The following YTHDC2 variants were observed in gnomAD, a reference collection of about 807,000 sequenced individuals.
YTHDC2 encodes the protein 3'-5' RNA helicase YTHDC2.
Under a neutral mutation model 174.9 loss-of-function variants are expected in YTHDC2, and 45 were observed. The observed-to-expected ratio is 0.26, with a 90% CI of 0.20 to 0.33. YTHDC2 has a LOEUF of 0.33. Ranked by LOEUF, YTHDC2 falls within the 10% of genes least tolerant of loss-of-function variation. YTHDC2 has a pLI of 1.00. For synonymous variants in YTHDC2, 657 were observed against 574.5 expected (o/e 1.14, Z -2.05); for missense variants, 1,650 against 1,723.7 (o/e 0.96, Z 0.76).
At chr5:113,552,313 C>A (rs1219226908) in intron 12 of YTHDC2, among the ~76,000 whole-genome samples, 1 of 152,034 alleles carries the variant, frequency 6.6e-6, no homozygotes, top group East Asian at 1.9e-4. Context: ...GAAACTTGTA[C>A]CCATTAGGTG....
intron 17 of YTHDC2, 146 bp downstream of exon 17, chr5:113,556,280 A>G (rs1776603994): frequency 2.2e-6 from 1 of 459,092 alleles, no homozygotes; most frequent in Non-Finnish European, 3.9e-6. Context: ...AAAGCAAGCC[A>G]TTTTGATACT....
chr5:113,515,883 G>T (rs893317337), intron 2 of YTHDC2, among the ~76,000 whole-genome samples: 1 of 152,192 alleles, frequency 6.6e-6, no homozygotes, highest in South Asian at 2.1e-4. Flanking sequence ...TTTTAGCAAG[G>T]TTGGTTATGT....
At chr5:113,558,387 T>A (rs1776748930) in intron 17 of YTHDC2, among the ~76,000 whole-genome samples, 6 of 152,130 alleles carry the variant, frequency 3.9e-5, no homozygotes. Flanking sequence ...TTTCCTATAA[T>A]AAGGGAGAGA....
At chr5:113,574,313 G>A (rs933410413) in intron 23 of YTHDC2, among the ~76,000 whole-genome samples, 2 of 152,154 alleles carry the variant, frequency 1.3e-5, no homozygotes, top group Admixed American at 6.6e-5. Flanking sequence ...AAACAGCAAA[G>A]ATGGAAGCCA....
At chr5:113,562,727 T>G (rs755244688) in intron 18 of YTHDC2, among the ~76,000 whole-genome samples, 17 of 152,214 alleles carry the variant, frequency 1.1e-4, no homozygotes, top group Non-Finnish European at 2.1e-4. Flanking sequence ...TACTCAATCT[T>G]TACATCTTAG....
At chr5:113,526,310 CATT>C (rs933202949) in intron 3 of YTHDC2, among the ~76,000 whole-genome samples, 1 of 140,850 alleles carries the variant, frequency 7.1e-6, no homozygotes, top group East Asian at 2.0e-4. Context: ...AATTTTTAAA[CATT>C]ATGTACCAGA....
At chr5:113,561,237 G>A in intron 18 of YTHDC2, 52 bp downstream of exon 18, 2 of 1,420,746 alleles carry the variant, frequency 1.4e-6, no homozygotes, top group South Asian at 1.2e-5. Flanking sequence ...GGGAAGTGAG[G>A]GGCCATTTCA....
At chr5:113,581,295 A>G (rs372841788) in intron 24 of YTHDC2, 122 bp from the exon 25 acceptor site, 5 of 891,818 alleles carry the variant, frequency 5.6e-6, no homozygotes, top group Middle Eastern at 3.6e-4. Context: ...AATTAGTAGT[A>G]AATTATATGA....
intron 25 of YTHDC2, chr5:113,584,077 G>A (rs1315105822): frequency 5.8e-6 from 2 of 342,124 alleles, no homozygotes; most frequent in Non-Finnish European, 5.2e-6. Context: ...AATAAGTTAC[G>A]AGGCTTGCTC....
rs146350005 is a variant in YTHDC2 at position 113,571,348 on chromosome 5, A to G, written c.3244+3499A>G. On this transcript the variant is annotated intron_variant, in intron 23 of 29. Transcript: ENST00000161863. ...GAAGCCAACTTGATTGTGGTGGACAAGCATTTAGATGTGCTGCTGTATTTG... is the reference window on the plus strand; with the variant it reads ...GAAGCCAACTTGATTGTGGTGGACAGGCATTTAGATGTGCTGCTGTATTTG... Among the ~76,000 whole-genome samples the G allele has an allele frequency of 1.7e-3, 252 of 152,312 alleles. 1 individual carries two copies. Among genetic ancestry groups the G allele is most frequent in the African/African-American group, 5.7e-3 (236 of 41,564 alleles).
chr5:113,534,290 C>CT lies in YTHDC2; in HGVS notation c.843-6dup, dbSNP rs140622373. 1.3e-3 allele frequency: 2,075 copies of CT among 1,582,712 alleles called. 18 individuals carry two copies. The African/African-American group carries it at 0.022, about 17-fold the overall frequency. On this transcript the variant is annotated splice_polypyrimidine_tract_variant and intron_variant, in intron 5 of 29. Coordinates refer to ENST00000161863, the MANE Select transcript of YTHDC2 (RefSeq NM_022828.5). ...ACTTGCAATTGTGCACTTTGTTTTG[C>CT]TTTTTTTTTAAAAGGGTTTCTCCAA...
Position 113,581,446 on chromosome 5 carries a change from G to T in YTHDC2, c.3384G>T (p.Gln1128His). 2 of 1,610,892 alleles carry T rather than the reference G, an allele frequency of 1.2e-6. No homozygotes were observed. The highest frequency in any genetic ancestry group is 2.2e-5 in the East Asian group (1 of 44,828). The change falls in exon 25 of 30, where the codon CAG becomes CAT. Residue 1128 changes from glutamine to histidine, a missense_variant. Transcript: ENST00000161863. ...EAASLLLQLRQKWHSLFLRRM... is the reference protein window; with the variant it reads ...EAASLLLQLRHKWHSLFLRRM... ...CTAGTTTATTGCTGCAGCTCAGACA[G>T]AAGTGGCATAGCTTATTTTTACGCC... is the stretch of plus-strand genomic sequence containing the variant.
At chr5:113,560,054 A>G (rs1214836010) in intron 17 of YTHDC2, among the ~76,000 whole-genome samples, 1 of 152,248 alleles carries the variant, frequency 6.6e-6, no homozygotes, top group African/African-American at 2.4e-5. Flanking sequence ...AAGCTTCACT[A>G]GAAAGTCCTT....
chr5:113,527,878 C>T (rs116156188), intron 4 of YTHDC2, among the ~76,000 whole-genome samples: 4,778 of 152,064 alleles, frequency 0.031, 96 homozygotes, highest in African/African-American at 0.054. Context: ...AACCTCAGTG[C>T]CTCCCAGGTT....
intron 10 of YTHDC2, among the ~76,000 whole-genome samples, chr5:113,547,077 A>C (rs898411995): frequency 6.6e-6 from 1 of 152,186 alleles, no homozygotes; most frequent in Non-Finnish European, 1.5e-5. Context: ...TGAGTCACTT[A>C]GTCCAGTTTA....
intron 2 of YTHDC2, among the ~76,000 whole-genome samples, chr5:113,515,803 A>G (rs1319873134): frequency 6.6e-6 from 1 of 152,234 alleles, no homozygotes; most frequent in Non-Finnish European, 1.5e-5. Context: ...AAGGAAAAGG[A>G]CTTTGAACTT....
Position 113,553,805 on chromosome 5 carries a change from C to G in YTHDC2, c.2003C>G (p.Ser668Cys), listed in dbSNP as rs910850988. Residue 668 changes from serine (S) to cysteine (C), a missense_variant, in exon 15 of 30, where the codon TCC becomes TGC. Coordinates refer to ENST00000161863, the MANE Select transcript of YTHDC2 (RefSeq NM_022828.5). Reference protein sequence around the residue: ...VFMLHSNMQTSDQKKVLKNPP... With the variant: ...VFMLHSNMQTCDQKKVLKNPP... ...ATGCTTCATTCAAATATGCAAACAT[C>G]CGATCAAAAGAAAGTATTAAAAAAC... is the stretch of plus-strand genomic sequence containing the variant. 1.2e-6 allele frequency: 2 copies of G among 1,612,488 alleles called. No individual in the cohort carries two copies. The highest frequency in any genetic ancestry group is 2.7e-5 in the African/African-American group (2 of 74,946).
intron 6 of YTHDC2, 110 bp from the exon 7 acceptor site, chr5:113,535,532 G>A (rs1320417724): frequency 9.6e-7 from 1 of 1,045,102 alleles, no homozygotes; most frequent in African/African-American, 1.6e-5. Flanking sequence ...GATTGGCCTT[G>A]TCCACATTTA....
intron 26 of YTHDC2, 140 bp downstream of exon 26, chr5:113,584,619 TAC>T: frequency 1.4e-6 from 1 of 702,824 alleles, no homozygotes; most frequent in Non-Finnish European, 2.2e-6. Context: ...GCAAACTTGA[TAC>T]AGTTTGAGTA....
Sources: allele counts gnomAD v4.1 joint callset (sites outside exome capture counted in the v4.1 genomes callset), GRCh38; gene constraint gnomAD v4.1.1; transcripts MANE v1.5; gene names NCBI Gene and HGNC (gene_info 2026-07-23, HGNC 2026-07-21).